GNA12: variants seen among roughly 807,000 people sequenced by gnomAD.
The protein encoded by GNA12 is guanine nucleotide-binding protein subunit alpha-12.
In GNA12, 9 loss-of-function variants were observed where a neutral mutation model predicts 26.0. The ratio of observed to expected loss-of-function variants is 0.35; its 90% CI spans 0.21 to 0.60. The LOEUF (loss-of-function observed/expected upper bound fraction) is 0.60. Among genes scored for constraint, GNA12 ranks in the 20% least tolerant of loss-of-function variants. The pLI is 0.78. For synonymous variants in GNA12, 264 were observed against 219.6 expected, an observed-to-expected ratio of 1.20 and a Z score of -1.79; for missense variants, 405 against 525.8, an observed-to-expected ratio of 0.77 and a Z score of 2.25.
intron 2 of GNA12, among the ~76,000 whole-genome samples, chr7:2,779,941 G>A (rs1441619300): frequency 6.6e-6 from 1 of 151,406 alleles, no homozygotes; most frequent in Non-Finnish European, 1.5e-5. Flanking sequence ...AAATAATTTA[G>A]AAAGTGAATG....
intron 3 of GNA12, among the ~76,000 whole-genome samples, chr7:2,732,797 A>C (rs798528): frequency 0.25 from 37,439 of 152,114 alleles, 5,343 homozygotes; most frequent in Non-Finnish European, 0.3. Flanking sequence ...ACTCCAATAA[A>C]CAAGTTGAAA....
intron 2 of GNA12, among the ~76,000 whole-genome samples, chr7:2,767,501 T>C (rs961172440): frequency 6.6e-5 from 10 of 152,220 alleles, no homozygotes; most frequent in Non-Finnish European, 1.3e-4. Context: ...ACCCTTTCGA[T>C]AGCCACCTGG....
chr7:2,841,149 TTTTTTC>T (rs1778978114), intron 1 of GNA12, among the ~76,000 whole-genome samples: 1 of 152,062 alleles, frequency 6.6e-6, no homozygotes, highest in Non-Finnish European at 1.5e-5. Flanking sequence ...TGAGTTTTCT[TTTTTTC>T]TTTTTCTTTT....
At chr7:2,839,629 C>T (rs1778932705) in intron 1 of GNA12, among the ~76,000 whole-genome samples, 1 of 152,214 alleles carries the variant, frequency 6.6e-6, no homozygotes, top group African/African-American at 2.4e-5. Flanking sequence ...AGCAATCTGC[C>T]TGTCTTGGCC....
chr7:2,819,587 T>C (rs1026786177), intron 1 of GNA12, among the ~76,000 whole-genome samples: 1 of 151,956 alleles, frequency 6.6e-6, no homozygotes, highest in East Asian at 1.9e-4. Context: ...AAAAGACAAA[T>C]AATCCAAATT....
rs567275192 is a variant in GNA12 at position 2,754,564 on chromosome 7, G to A, written c.526-21063C>T. ...TCGAAACCAACCTGGGCAACATAGT[G>A]AGACCTCATCTCTACTTTAAAAAAA... is the stretch of plus-strand genomic sequence containing the variant. On this transcript the variant is annotated intron_variant, in intron 2 of 3. Coordinates refer to ENST00000275364, the MANE Select transcript of GNA12 (RefSeq NM_007353.3). Among the ~76,000 whole-genome samples, 23 of 149,722 alleles carry A rather than the reference G, an allele frequency of 1.5e-4. 1 individual carries two copies. In the East Asian group the frequency reaches 3.9e-3, roughly 25 times the overall value.
intron 2 of GNA12, among the ~76,000 whole-genome samples, chr7:2,744,632 G>A (rs902950830): frequency 2.0e-5 from 3 of 152,184 alleles, no homozygotes; most frequent in East Asian, 3.8e-4. Context: ...CCAAAGGAAC[G>A]CAGCTCCTCA....
chr7:2,794,471 T>TA (rs1219306786), intron 2 of GNA12, among the ~76,000 whole-genome samples: 1 of 152,214 alleles, frequency 6.6e-6, no homozygotes, highest in East Asian at 1.9e-4. Context: ...GTGAAGTTTT[T>TA]AGACCTTAAA....
rs528367029 is a variant in GNA12, at chr7:2,768,397, C to A, written c.525+26531G>T. Among the ~76,000 whole-genome samples the A allele has an allele frequency of 4.6e-4, 70 of 152,174 alleles. 1 individual carries two copies. The highest frequency in any genetic ancestry group is 9.4e-4 in the Non-Finnish European group (64 of 68,036). ...GTAGCCTTCCTTTTTGAGGTCCTGG[C>A]TTAGCAAGCTACGTTTTTCCTAGTA... On this transcript the variant is annotated intron_variant, in intron 2 of 3. Coordinates refer to ENST00000275364, the MANE Select transcript of GNA12 (RefSeq NM_007353.3).
chr7:2,785,360 C>T (rs924281129), intron 2 of GNA12, among the ~76,000 whole-genome samples: 1 of 152,148 alleles, frequency 6.6e-6, no homozygotes, highest in Non-Finnish European at 1.5e-5. Flanking sequence ...AGACCTCAAA[C>T]GGTGTCAATA....
chr7:2,839,712 G>A (rs893937487), intron 1 of GNA12, among the ~76,000 whole-genome samples: 5 of 152,192 alleles, frequency 3.3e-5, no homozygotes, highest in Non-Finnish European at 4.4e-5. Context: ...CAAAATTATC[G>A]AATTAAAGAA....
At chr7:2,740,431 C>T (rs1012338074) in intron 2 of GNA12, among the ~76,000 whole-genome samples, 1 of 152,114 alleles carries the variant, frequency 6.6e-6, no homozygotes, top group African/African-American at 2.4e-5. Flanking sequence ...AGAAGCTGGC[C>T]GTCTGCAAGC....
At chr7:2,767,220 C>G (rs891414186) in intron 2 of GNA12, among the ~76,000 whole-genome samples, 1 of 152,098 alleles carries the variant, frequency 6.6e-6, no homozygotes, top group Non-Finnish European at 1.5e-5. Context: ...GTCCCTGTAC[C>G]CACAAAAATG....
At chr7:2,735,519 G>C (rs1790124587) in intron 2 of GNA12, among the ~76,000 whole-genome samples, 1 of 152,184 alleles carries the variant, frequency 6.6e-6, no homozygotes, top group African/African-American at 2.4e-5. Flanking sequence ...GCACAATCAG[G>C]ACAAGCTCGA....
intron 1 of GNA12, among the ~76,000 whole-genome samples, chr7:2,807,942 G>A (rs1242682787): frequency 3.9e-5 from 6 of 152,268 alleles, no homozygotes; most frequent in Admixed American, 6.5e-5. Flanking sequence ...TCTGTGCCCC[G>A]TGGAGGAGCT....
At chr7:2,803,792 C>G (rs1315854033) in intron 1 of GNA12, among the ~76,000 whole-genome samples, 1 of 149,488 alleles carries the variant, frequency 6.7e-6, no homozygotes, top group Non-Finnish European at 1.5e-5. Flanking sequence ...TCCTAAAAGT[C>G]CAAAACAAAA....
chr7:2,780,093 T>TGC (rs1554259635), intron 2 of GNA12, among the ~76,000 whole-genome samples: 3 of 130,136 alleles, frequency 2.3e-5, no homozygotes, highest in South Asian at 2.4e-4. Flanking sequence ...TATATATATA[T>TGC]GCCTGTTTTC....
intron 2 of GNA12, among the ~76,000 whole-genome samples, chr7:2,751,694 C>T (rs1043186770): frequency 3.9e-5 from 6 of 152,160 alleles, no homozygotes; most frequent in Non-Finnish European, 7.3e-5. Flanking sequence ...ACTATAGCTC[C>T]GTCAAACATT....
At chr7:2,810,619 G>A (rs765987945) in intron 1 of GNA12, among the ~76,000 whole-genome samples, 3 of 152,114 alleles carry the variant, frequency 2.0e-5, no homozygotes, top group Admixed American at 6.5e-5. Context: ...AGAAAAGTCC[G>A]GGCACAGTGG....
Sources: allele counts gnomAD v4.1 joint callset (sites outside exome capture counted in the v4.1 genomes callset), GRCh38; gene constraint gnomAD v4.1.1; transcripts MANE v1.5; gene names NCBI Gene and HGNC (gene_info 2026-07-23, HGNC 2026-07-21).